The following INTS7 variants were observed in gnomAD, a reference collection of about 807,000 sequenced individuals.
The protein encoded by INTS7 is integrator complex subunit 7.
INTS7 carries 46 observed loss-of-function variants against 109.2 expected under a neutral mutation model. That is an observed-to-expected ratio of 0.42 (90% CI 0.33 to 0.54). The LOEUF is 0.54. Among genes scored for constraint, INTS7 ranks in the 20% least tolerant of loss-of-function variants. The probability of loss-of-function intolerance (pLI) is 0.07; values close to 1 mark genes in which losing one functional copy is unlikely to be tolerated. For synonymous variants in INTS7, 412 were observed against 402.9 expected (o/e 1.02, Z -0.27); for missense variants, 929 against 1,132.4 (o/e 0.82, Z 2.58).
Position 211,968,560 on chromosome 1 carries a change from T to C in INTS7, c.1963A>G (p.Met655Val). The C allele has an allele frequency of 1.2e-6, 2 of 1,614,170 alleles. No homozygotes were observed. The highest frequency in any genetic ancestry group is 1.7e-6 in the Non-Finnish European group (2 of 1,180,008). The change falls in exon 14 of 20, where the codon ATG (methionine) becomes GTG (valine). Residue 655 changes from methionine (M) to valine (V), a missense_variant. Physicochemically the swap from Met to Val is conservative, Grantham distance 21. Transcript: ENST00000366994. ...PPPAIATTIA[M>V]TLGNDLQRCG... is the part of the protein sequence containing the mutation. ...CTCTGGAGGTCATTTCCTAAGGTCA[T>C]GGCAATTGTTGTGGCAATTGCAGGT...
At chr1:211,984,499 T>C (rs929201789) in intron 8 of INTS7, among the ~76,000 whole-genome samples, 1 of 152,290 alleles carries the variant, frequency 6.6e-6, no homozygotes, top group Middle Eastern at 3.4e-3. Flanking sequence ...AAAACTCACA[T>C]ATAATCAGGA....
chr1:212,027,192 C>G (rs970440953), intron 1 of INTS7, among the ~76,000 whole-genome samples: 2 of 152,158 alleles, frequency 1.3e-5, no homozygotes, highest in African/African-American at 2.4e-5. Context: ...GGAAAAAGTG[C>G]TTTAAAGGCC....
intron 10 of INTS7, 79 bp from the exon 11 acceptor site, chr1:211,978,590 T>C (rs780646358): frequency 3.3e-5 from 50 of 1,516,050 alleles, no homozygotes; most frequent in Non-Finnish European, 4.2e-5. Flanking sequence ...TTTGTACAGG[T>C]TACTGGGGAA....
At chr1:211,950,157 C>A (rs1230365776) in intron 17 of INTS7, among the ~76,000 whole-genome samples, 1 of 152,212 alleles carries the variant, frequency 6.6e-6, no homozygotes, top group Admixed American at 6.5e-5. Flanking sequence ...GTGTCTTTGT[C>A]ATTTTTCTAT....
At chr1:212,014,375 G>A (rs575264707) in intron 4 of INTS7, among the ~76,000 whole-genome samples, 1 of 135,290 alleles carries the variant, frequency 7.4e-6, no homozygotes, top group South Asian at 2.5e-4. Flanking sequence ...TGAGGCAGAA[G>A]AATCACTTGA....
In INTS7 at chr1:211,942,172, A is replaced by G; in HGVS notation, c.2602-61T>C. On this transcript the variant is annotated intron_variant, in intron 19 of 19. Coordinates refer to ENST00000366994, the MANE Select transcript of INTS7 (RefSeq NM_015434.4). This position sits in a 1 kb window ranked among gnomAD's most constrained non-coding sequence, Gnocchi z 4.2. ...TAACATTTCTTCAGTGCTTACTATG[A>G]GTTAGGCCCTGTTCTAAGAGCTTAT... 3 of 1,544,112 alleles carry G rather than the reference A, an allele frequency of 1.9e-6. No individual in the cohort carries two copies. Among genetic ancestry groups the G allele is most frequent in the Non-Finnish European group, 2.7e-6 (3 of 1,131,200 alleles).
intron 1 of INTS7, among the ~76,000 whole-genome samples, chr1:212,028,011 G>A (rs1291795997): frequency 6.6e-6 from 1 of 152,106 alleles, no homozygotes; most frequent in Admixed American, 6.5e-5. Flanking sequence ...ATTTTTAGTA[G>A]AGACAGGATT....
intron 5 of INTS7, among the ~76,000 whole-genome samples, chr1:212,010,116 A>C (rs1362027508): frequency 6.6e-6 from 1 of 152,258 alleles, no homozygotes; most frequent in Admixed American, 6.5e-5. Flanking sequence ...ATTCAGCTTT[A>C]GTGTGGCTCT....
At position 212,032,195 on chromosome 1, in the gene INTS7, C is replaced by A. The variant is rs573019632; in HGVS notation, c.94+3149G>T. 8.0e-3 allele frequency among the ~76,000 whole-genome samples: 1,220 copies of A among 152,352 alleles called. 19 individuals are homozygous for A. The highest frequency in any genetic ancestry group is 0.026 in the African/African-American group (1,084 of 41,580). On this transcript the variant is annotated intron_variant, in intron 1 of 19. Transcript: ENST00000366994. ...TCTACTTTGAAAGTATATCCAGAAT[C>A]TCAGCACTTCACACATTTTCAGTGT...
At position 212,006,747 on chromosome 1, in the gene INTS7, C is replaced by T; in HGVS notation, c.771G>A (p.Leu257=). ...TCCTGGGATCATTCTTCAAATACTG[C>T]AACAGAAGCTGAATCTATAAAGGAA... is the stretch of plus-strand genomic sequence containing the variant. The part of the protein sequence containing the change: ...VDTPKQIQLL[L]QYLKNDPRKA... Residue 257 remains leucine, a synonymous_variant, in exon 7 of 20, where the codon TTG becomes TTA. Coordinates refer to ENST00000366994, the MANE Select transcript of INTS7 (RefSeq NM_015434.4). 1 of 1,602,258 alleles carries T rather than the reference C, an allele frequency of 6.2e-7. No homozygotes were observed. The highest frequency in any genetic ancestry group is 1.1e-5 in the South Asian group (1 of 89,090).
At chr1:212,021,492 C>T (rs1382885889) in intron 1 of INTS7, among the ~76,000 whole-genome samples, 1 of 151,594 alleles carries the variant, frequency 6.6e-6, no homozygotes, top group African/African-American at 2.4e-5. Context: ...TTTAAAAGGA[C>T]TGAAATCATA....
At chr1:211,982,937 C>A in intron 8 of INTS7, 127 bp from the exon 9 acceptor site, 1 of 623,272 alleles carries the variant, frequency 1.6e-6, no homozygotes, top group Non-Finnish European at 2.7e-6. Flanking sequence ...AAATTTCCTA[C>A]CACAATCCCA....
At chr1:211,948,257 CAT>C (rs1330560076) in intron 17 of INTS7, among the ~76,000 whole-genome samples, 4 of 152,176 alleles carry the variant, frequency 2.6e-5, no homozygotes, top group African/African-American at 9.7e-5. Context: ...CCAACAGACT[CAT>C]AGTACAAATG....
chr1:211,970,145 G>GA (rs1311096458), intron 13 of INTS7, among the ~76,000 whole-genome samples: 1 of 152,146 alleles, frequency 6.6e-6, no homozygotes, highest in Non-Finnish European at 1.5e-5. Context: ...GCACAGAGAA[G>GA]ACACCAAGGA....
In INTS7 at chr1:211,952,567, G is replaced by A. The variant is rs762756948; in HGVS notation, c.2316+2C>T. Reference sequence around the variant, plus strand: ...AAGCTCAATAAAACAAATGCCACTTGCCATATAAGAAACAGGGGTATATTT... The same window carrying A: ...AAGCTCAATAAAACAAATGCCACTTACCATATAAGAAACAGGGGTATATTT... On this transcript the variant is annotated splice_donor_variant, in intron 17 of 19. Coordinates refer to ENST00000366994, the MANE Select transcript of INTS7 (RefSeq NM_015434.4). LOFTEE classifies it low-confidence loss of function (GC_TO_GT_DONOR). The A allele has an allele frequency of 1.9e-6, 3 of 1,611,226 alleles. No individual in the cohort carries two copies. In the South Asian group the frequency reaches 3.3e-5, roughly 18 times the overall value.
chr1:211,998,355 CAG>C (rs1665506003), intron 7 of INTS7, among the ~76,000 whole-genome samples: 1 of 152,198 alleles, frequency 6.6e-6, no homozygotes, highest in African/African-American at 2.4e-5. Context: ...GTAATCAAGA[CAG>C]TGTATTATTT....
chr1:212,024,650 G>A (rs1379569924), intron 1 of INTS7, among the ~76,000 whole-genome samples: 2 of 152,126 alleles, frequency 1.3e-5, no homozygotes, highest in Non-Finnish European at 2.9e-5. Context: ...ACAAATTGTG[G>A]TATATCCATA....
In INTS7 at chr1:211,971,870, C is replaced by T. The variant is rs540408317; in HGVS notation, c.1816-3163G>A. ...GGTGGAGGTTGCAGTGAGCCAAGAT[C>T]GTGCCACTGCACTCCAGCCTGGTGA... On this transcript the variant is annotated intron_variant, in intron 13 of 19. Transcript: ENST00000366994. Among the ~76,000 whole-genome samples, 4 of 130,258 alleles carry T rather than the reference C, an allele frequency of 3.1e-5. No individual in the cohort carries two copies. In the South Asian group the frequency reaches 7.2e-4, roughly 24 times the overall value. The allele number at this position is 130,258 out of a possible 152,430, so 85.5% of individuals were successfully genotyped here. A position where few individuals can be genotyped will look rare whatever the true frequency, so the allele number is the denominator to read the frequency against.
At chr1:212,020,958 A>C (rs1666666885) in intron 2 of INTS7, 125 bp downstream of exon 2, 1 of 841,376 alleles carries the variant, frequency 1.2e-6, no homozygotes, top group African/African-American at 1.7e-5. Context: ...GCACACAGTC[A>C]TGTGTGTCCA....
Sources: gnomAD v4.1 joint callset for allele counts (sites outside exome capture counted in the v4.1 genomes callset) on GRCh38, gnomAD v4.1.1 for gene constraint, Gnocchi (gnomAD v3.1) non-coding constraint, MANE v1.5 for transcripts, NCBI Gene and HGNC (gene_info 2026-07-23, HGNC 2026-07-21) for gene names.